MMP28: variants seen among roughly 807,000 people sequenced by gnomAD.
MMP28 encodes matrix metallopeptidase 28.
Under a neutral mutation model 60.5 loss-of-function variants are expected in MMP28, and 55 were observed. The observed-to-expected ratio is 0.91, with a 90% CI of 0.73 to 1.14. The LOEUF is 1.14. MMP28 is among the 50% of genes most tolerant of loss of function. The pLI is 0.00. For missense variants in MMP28, 686 were observed against 738.3 expected (o/e 0.93, Z 0.82); for synonymous variants, 318 against 312.5 (o/e 1.02, Z -0.18).
At chr17:35,761,164 C>CGA (rs1485826310), downstream of MMP28, among the ~76,000 whole-genome samples, 4 of 143,662 alleles carry the variant, frequency 2.8e-5, no homozygotes, top group Non-Finnish European at 6.0e-5. Context: ...AGTGCAGTGG[C>CGA]GAGATCTCAG....
intron 1 of MMP28, among the ~76,000 whole-genome samples, chr17:35,788,209 C>A (rs2143577134): frequency 6.6e-6 from 1 of 152,230 alleles, no homozygotes; most frequent in Non-Finnish European, 1.5e-5. Flanking sequence ...GTGGCCAGCC[C>A]TCCTTTCATT....
At chr17:35,771,430 CAAAA>C (rs548706247) in intron 4 of MMP28, among the ~76,000 whole-genome samples, 1 of 47,348 alleles carries the variant, frequency 2.1e-5, no homozygotes, top group African/African-American at 8.2e-5. Context: ...GACTCTGTCT[CAAAA>C]AAAAAAAAAA....
At chr17:35,767,176 T>C in intron 7 of MMP28, 1 of 670,970 alleles carries the variant, frequency 1.5e-6, no homozygotes. Context: ...TTACTAATAA[T>C]TCTATGAGGG....
At chr17:35,758,399 T>C (rs78726589) in intron 2 of MMP28, 1,752 of 152,320 alleles carry the variant, frequency 0.012, 19 homozygotes, top group Non-Finnish European at 0.017. Flanking sequence ...GAGATCAATT[T>C]CTAGTGTGCT....
downstream of MMP28, chr17:35,764,828 A>T (rs113176378): frequency 2.0e-6 from 1 of 511,560 alleles, no homozygotes; most frequent in Admixed American, 4.4e-5. Context: ...TGCAGAGCCC[A>T]GCATAACCTA....
chr17:35,770,209 C>T lies in MMP28; in HGVS notation c.708G>A (p.Val236=), dbSNP rs917516124. The change falls in exon 5 of 8, where the codon GTG becomes GTA. Residue 236 remains valine (V), a synonymous_variant. Coordinates refer to ENST00000605424, the MANE Select transcript of MMP28 (RefSeq NM_024302.5). ...TGTGACCGATCTCGTGCGCCAGCAC[C>T]ACGAACAGGTTGCGCCCGCGGCGGC... ...LSRRRGRNLF[V]VLAHEIGHTL... 1.9e-6 allele frequency: 3 copies of T among 1,602,792 alleles called. No homozygotes were observed. Among genetic ancestry groups the T allele is most frequent in the Non-Finnish European group, 2.5e-6 (3 of 1,178,092 alleles).
intron 1 of MMP28, among the ~76,000 whole-genome samples, chr17:35,785,867 A>G (rs930898979): frequency 2.0e-5 from 3 of 152,170 alleles, no homozygotes; most frequent in Admixed American, 1.3e-4. Flanking sequence ...TCTGTGCCCC[A>G]ATGTATAAAA....
chr17:35,795,153 G>A, intron 1 of MMP28, 114 bp downstream of exon 1: 3 of 641,476 alleles, frequency 4.7e-6, no homozygotes, highest in Non-Finnish European at 7.1e-6. Flanking sequence ...GCGGAGGACA[G>A]GGGTAGGGTA....
At chr17:35,760,889 C>A, downstream of MMP28, 1 of 1,610,748 alleles carries the variant, frequency 6.2e-7, no homozygotes, top group Non-Finnish European at 8.5e-7. Flanking sequence ...TTCTGGGCAC[C>A]CTCTCACATC....
intron 2 of MMP28, chr17:35,756,455 CA>C (rs1381853722): frequency 1.5e-5 from 15 of 974,220 alleles, no homozygotes; most frequent in Non-Finnish European, 7.3e-6. Flanking sequence ...CGGAATGCAC[CA>C]AGTTCCTCTT....
intron 5 of MMP28, among the ~76,000 whole-genome samples, chr17:35,768,958 A>G (rs1908952615): frequency 6.6e-6 from 1 of 152,232 alleles, no homozygotes; most frequent in Non-Finnish European, 1.5e-5. Context: ...TAAGCGGGTC[A>G]GGGAGTCCTC....
chr17:35,774,301 A>G (rs1348301934), intron 3 of MMP28, among the ~76,000 whole-genome samples: 3 of 152,078 alleles, frequency 2.0e-5, no homozygotes, highest in African/African-American at 7.2e-5. Flanking sequence ...GAGCCCTGCA[A>G]ACTCAGGGGC....
intron 2 of MMP28, 72 bp from the exon 3 acceptor site, chr17:35,779,147 G>T (rs2086424119): frequency 5.7e-6 from 9 of 1,572,188 alleles, no homozygotes; most frequent in African/African-American, 1.4e-5. Context: ...GCCTCCCTGG[G>T]GTGTAGCCAG....
chr17:35,761,030 C>A (rs2085806769), downstream of MMP28: 12 of 1,482,810 alleles, frequency 8.1e-6, no homozygotes, highest in Non-Finnish European at 1.1e-5. Flanking sequence ...CAGCCCATCA[C>A]CATGAAGTCC....
At chr17:35,768,620 T>C (rs2143201122) in intron 5 of MMP28, among the ~76,000 whole-genome samples, 1 of 152,250 alleles carries the variant, frequency 6.6e-6, no homozygotes, top group African/African-American at 2.4e-5. Context: ...GAGACCAGCC[T>C]TGCCAATGGT....
rs190002579 is a variant in MMP28, at chr17:35,781,723, A to G, written c.112-2400T>C. On this transcript the variant is annotated intron_variant, in intron 1 of 7. Transcript: ENST00000605424. ...GTTGCCTCAGCTGCATAATTCTTCT[A>G]CAAGGAGAATTCTTCTACCTACATA... Among the ~76,000 whole-genome samples the G allele has an allele frequency of 3.3e-5, 5 of 152,298 alleles. No individual in the cohort carries two copies. In the East Asian group the frequency reaches 9.6e-4, roughly 29 times the overall value.
intron 2 of MMP28, among the ~76,000 whole-genome samples, chr17:35,759,307 A>C (rs1439075070): frequency 5.3e-5 from 8 of 152,154 alleles, no homozygotes; most frequent in Non-Finnish European, 1.0e-4. Flanking sequence ...AGAGGCCCTG[A>C]CTTTTCAAGG....
At chr17:35,764,017 C>T (rs1011228620), downstream of MMP28, 17 of 1,543,764 alleles carry the variant, frequency 1.1e-5, no homozygotes, top group African/African-American at 2.2e-4. Context: ...GTGTGAAGAC[C>T]CCCTTGTGGA....
chr17:35,781,700 T>C (rs906181434), intron 1 of MMP28, among the ~76,000 whole-genome samples: 1 of 152,198 alleles, frequency 6.6e-6, no homozygotes, highest in Non-Finnish European at 1.5e-5. Flanking sequence ...AAAAGAATGT[T>C]GCCTCAGCTG....
Sources: allele counts gnomAD v4.1 joint callset (sites outside exome capture counted in the v4.1 genomes callset), GRCh38; gene constraint gnomAD v4.1.1; transcripts MANE v1.5; gene names NCBI Gene and HGNC (gene_info 2026-07-23, HGNC 2026-07-21).